Variants in CSMD2 observed in about 807,000 individuals in gnomAD.
The protein encoded by CSMD2 is CUB and sushi domain-containing protein 2.
CSMD2 carries 130 observed loss-of-function variants against 398.5 expected under a neutral mutation model. That is an observed-to-expected ratio of 0.33 (90% CI 0.28 to 0.38). The LOEUF is 0.38. CSMD2 is among the 10% of genes least tolerant of loss of function. The probability of loss-of-function intolerance (pLI) is 1.00; values close to 1 mark genes in which losing one functional copy is unlikely to be tolerated. For missense variants in CSMD2, 3,829 were observed against 4,764.9 expected, an observed-to-expected ratio of 0.80 and a Z score of 5.78; for synonymous variants, 1,828 against 1,908.5, an observed-to-expected ratio of 0.96 and a Z score of 1.10.
At chr1:33,888,251 TC>T (rs773509409) in intron 5 of CSMD2, among the ~76,000 whole-genome samples, 2 of 152,154 alleles carry the variant, frequency 1.3e-5, no homozygotes, top group South Asian at 4.1e-4. Context: ...TTGGGGGAAA[TC>T]TGAAAAATTT....
At chr1:33,812,238 A>T (rs1656945655) in intron 9 of CSMD2, among the ~76,000 whole-genome samples, 1 of 152,226 alleles carries the variant, frequency 6.6e-6, no homozygotes, top group Non-Finnish European at 1.5e-5. Context: ...TGGAGGGAGC[A>T]GGTGGAAAAA....
rs756422988 is a variant in CSMD2, at chr1:33,572,529, C to A, written c.7739G>T (p.Arg2580Leu). 1.2e-6 allele frequency: 2 copies of A among 1,609,430 alleles called. No individual in the cohort carries two copies. Among genetic ancestry groups the A allele is most frequent in the South Asian group, 1.1e-5 (1 of 90,672 alleles). Residue 2580 changes from arginine (R) to leucine (L), a missense_variant, in exon 50 of 71, where the codon CGC becomes CTC. Arg to Leu is a moderately radical substitution (Grantham distance 102). Transcript: ENST00000373381. The part of the protein sequence containing the change: ...ECLDTGLWSN[R>L]NVPPQCVPVT... ...ACGGACACACTGTGGTGGGACATTG[C>A]GGTTGCTCCATAGGCCTGTGTCCAG...
intron 27 of CSMD2, among the ~76,000 whole-genome samples, chr1:33,655,870 A>C (rs888847328): frequency 6.6e-6 from 1 of 152,160 alleles, no homozygotes; most frequent in African/African-American, 2.4e-5. Flanking sequence ...AAACTGAATT[A>C]ACCTCTCCAC....
chr1:33,589,747 C>G (rs1639306339), intron 44 of CSMD2, among the ~76,000 whole-genome samples: 1 of 152,160 alleles, frequency 6.6e-6, no homozygotes, highest in Admixed American at 6.5e-5. Context: ...AAACTCTAGG[C>G]AGAAAGAAGG....
At chr1:33,881,002 CAGG>C (rs975449296) in intron 5 of CSMD2, among the ~76,000 whole-genome samples, 4 of 152,142 alleles carry the variant, frequency 2.6e-5, no homozygotes, top group Non-Finnish European at 4.4e-5. Context: ...TTATGATGCC[CAGG>C]CACTGTGCTA....
intron 55 of CSMD2, among the ~76,000 whole-genome samples, chr1:33,555,193 T>A (rs184047664): frequency 3.2e-4 from 49 of 152,100 alleles, no homozygotes; most frequent in African/African-American, 1.2e-3. Context: ...CTTGGAGGGG[T>A]TCAAGACTTC....
intron 1 of CSMD2, among the ~76,000 whole-genome samples, chr1:34,140,677 T>G (rs1395006700): frequency 6.6e-6 from 1 of 152,184 alleles, no homozygotes; most frequent in Non-Finnish European, 1.5e-5. Context: ...ACTATGCCCC[T>G]TACACAGGCT....
At chr1:33,682,431 C>T (rs1020691336) in intron 25 of CSMD2, among the ~76,000 whole-genome samples, 1 of 152,166 alleles carries the variant, frequency 6.6e-6, no homozygotes, top group Non-Finnish European at 1.5e-5. Context: ...TTGTAAGTTC[C>T]TCAGGAAGCC....
chr1:33,881,881 C>T (rs915821533), intron 5 of CSMD2, among the ~76,000 whole-genome samples: 15 of 151,974 alleles, frequency 9.9e-5, no homozygotes, highest in South Asian at 2.1e-4. Flanking sequence ...CAAATTTATT[C>T]GAAAGTTTCT....
intron 21 of CSMD2, among the ~76,000 whole-genome samples, chr1:33,712,020 A>T (rs549800287): frequency 6.6e-6 from 1 of 152,312 alleles, no homozygotes; most frequent in South Asian, 2.1e-4. Flanking sequence ...ACACAGGCAC[A>T]AATGGAAACA....
Position 33,571,599 on chromosome 1 carries a change from G to GC in CSMD2, c.7889dup (p.Gln2631ProfsTer65). ...TGGCCTGACAGCGGATGACCCTTTG[G>GC]CCAGTATAGTAGTAGCCAGGGTCAC... On this transcript the variant is annotated frameshift_variant, in exon 51 of 71. Coordinates refer to ENST00000373381, the MANE Select transcript of CSMD2 (RefSeq NM_001281956.2). LOFTEE classifies it high-confidence loss of function. 6.3e-7 allele frequency: 1 copy of GC among 1,577,834 alleles called. No homozygotes were observed. Among genetic ancestry groups the GC allele is most frequent in the Non-Finnish European group, 8.6e-7 (1 of 1,156,188 alleles).
At chr1:34,034,291 C>T (rs6701264) in intron 2 of CSMD2, among the ~76,000 whole-genome samples, 37,246 of 151,732 alleles carry the variant, frequency 0.25, 5,129 homozygotes, top group African/African-American at 0.35. Flanking sequence ...AATGATCAAT[C>T]GCGACATACT....
At chr1:33,651,419 C>G (rs905966565) in intron 28 of CSMD2, among the ~76,000 whole-genome samples, 3 of 152,330 alleles carry the variant, frequency 2.0e-5, no homozygotes, top group Admixed American at 1.3e-4. Flanking sequence ...AGGCCCCAGA[C>G]AGAGATGCCC....
chr1:34,017,284 C>T (rs2148095990), intron 3 of CSMD2, among the ~76,000 whole-genome samples: 1 of 152,342 alleles, frequency 6.6e-6, no homozygotes, highest in Admixed American at 6.5e-5. Context: ...GGACATTGTT[C>T]TACTCCCTGC....
Position 33,618,743 on chromosome 1 carries a change from C to T in CSMD2, c.5828-1126G>A, listed in dbSNP as rs181597156. 1.7e-4 allele frequency among the ~76,000 whole-genome samples: 26 copies of T among 152,140 alleles called. No homozygotes were observed. The East Asian group carries it at 4.9e-3, about 29-fold the overall frequency. Reference sequence around the variant, plus strand: ...ATTGGTGAGGGTATCCCCTCATACCCTTCAAGCAGGTCTTCACATCCCATT... The same window carrying T: ...ATTGGTGAGGGTATCCCCTCATACCTTTCAAGCAGGTCTTCACATCCCATT... On this transcript the variant is annotated intron_variant, in intron 37 of 70. Coordinates refer to ENST00000373381, the MANE Select transcript of CSMD2 (RefSeq NM_001281956.2).
intron 5 of CSMD2, among the ~76,000 whole-genome samples, chr1:33,916,684 A>G (rs527480066): frequency 6.6e-6 from 1 of 152,148 alleles, no homozygotes; most frequent in Non-Finnish European, 1.5e-5. Flanking sequence ...CTGCACCAGG[A>G]AACTTGAGTT....
intron 25 of CSMD2, among the ~76,000 whole-genome samples, chr1:33,672,946 C>G (rs1039122189): frequency 1.3e-5 from 2 of 152,148 alleles, no homozygotes; most frequent in Non-Finnish European, 2.9e-5. Flanking sequence ...GACATCCACA[C>G]CAAAACCCCA....
At chr1:33,922,698 G>A (rs556218283) in intron 4 of CSMD2, among the ~76,000 whole-genome samples, 1 of 152,122 alleles carries the variant, frequency 6.6e-6, no homozygotes, top group Admixed American at 6.5e-5. Context: ...CATGGCAGAG[G>A]CTCAGGGGAC....
intron 2 of CSMD2, among the ~76,000 whole-genome samples, chr1:34,034,099 A>G (rs1650803618): frequency 6.6e-6 from 1 of 152,204 alleles, no homozygotes; most frequent in Non-Finnish European, 1.5e-5. Context: ...AAATAATGAA[A>G]TCATACATAT....
Sources: allele counts gnomAD v4.1 joint callset (sites outside exome capture counted in the v4.1 genomes callset), GRCh38; gene constraint gnomAD v4.1.1; transcripts MANE v1.5; gene names NCBI Gene and HGNC (gene_info 2026-07-23, HGNC 2026-07-21).